Variants in ITPRID1 observed in about 807,000 individuals in gnomAD.
ITPRID1 encodes protein ITPRID1.
In ITPRID1, 96 loss-of-function variants were observed where a neutral mutation model predicts 95.4. That is an observed-to-expected ratio of 1.01 (90% CI 0.85 to 1.19). The LOEUF (loss-of-function observed/expected upper bound fraction) is 1.19. Ranked by LOEUF, ITPRID1 falls within the 50% of genes most tolerant of loss-of-function variation. The pLI, the probability that ITPRID1 is intolerant of heterozygous loss-of-function variation, is 0.00. For synonymous variants in ITPRID1, 510 were observed against 453.6 expected (o/e 1.12, Z -1.58); for missense variants, 1,339 against 1,252.9 (o/e 1.07, Z -1.04).
chr7:31,578,083 A>G lies in ITPRID1; in HGVS notation c.819A>G (p.Val273=). The G allele has an allele frequency of 1.2e-6, 2 of 1,613,884 alleles. No individual in the cohort carries two copies. Among genetic ancestry groups the G allele is most frequent in the Middle Eastern group, 1.6e-4 (1 of 6,062 alleles). Residue 273 remains valine, a synonymous_variant, in exon 9 of 15, where the codon GTA becomes GTG. Transcript: ENST00000615280. The stretch of plus-strand genomic sequence containing the variant: ...TCAGGCGGGATTGTAACCCAGAGGT[A>G]TCAGAGTCCTTCAAGGTGAAGGATG... The part of the protein sequence containing the change: ...QNIRRDCNPE[V]SESFKVKDEV...
intron 10 of ITPRID1, among the ~76,000 whole-genome samples, chr7:31,607,786 T>C (rs1406978111): frequency 2.0e-5 from 3 of 152,066 alleles, no homozygotes; most frequent in Non-Finnish European, 4.4e-5. Context: ...ATTAGTCCTC[T>C]TTCTCAAATT....
chr7:31,516,709 T>C (rs912608179), intron 1 of ITPRID1, among the ~76,000 whole-genome samples: 4 of 152,222 alleles, frequency 2.6e-5, no homozygotes, highest in Admixed American at 6.5e-5. Context: ...TTGCACTTTC[T>C]ACAACAGAAG....
In ITPRID1 at chr7:31,578,192, T is replaced by A; in HGVS notation, c.928T>A (p.Ser310Thr). ...AATCAACCACAAGCAAAATCATTTG[T>A]CTCTGTCAGTAGAACATCAGTCTCT... ...TSINHKQNHL[S>T]LSVEHQSLQA... The change falls in exon 9 of 15, where the codon TCT becomes ACT. Residue 310 changes from serine to threonine, a missense_variant. Ser to Thr is a moderately conservative substitution (Grantham distance 58). Transcript: ENST00000615280. 6.2e-7 allele frequency: 1 copy of A among 1,613,770 alleles called. No individual in the cohort carries two copies. The highest frequency in any genetic ancestry group is 8.5e-7 in the Non-Finnish European group (1 of 1,179,782).
intron 9 of ITPRID1, among the ~76,000 whole-genome samples, chr7:31,581,338 A>G (rs1422121639): frequency 6.6e-6 from 1 of 152,140 alleles, no homozygotes. Context: ...TTAATGGAAA[A>G]ATCAACATAT....
At chr7:31,616,671 A>AAAGAGTAGTTTTCAATGGCCTTTTCC (rs1554293183) in intron 10 of ITPRID1, among the ~76,000 whole-genome samples, 15 of 152,256 alleles carry the variant, frequency 9.9e-5, no homozygotes, top group Non-Finnish European at 1.3e-4. Context: ...CAGATAGCTT[A>AAAGAGTAGTTTTCAATGGCCTTTTCC]AAGAGTAGTT....
intron 5 of ITPRID1, among the ~76,000 whole-genome samples, chr7:31,564,059 C>T (rs1369085730): frequency 6.6e-6 from 1 of 152,112 alleles, no homozygotes; most frequent in Non-Finnish European, 1.5e-5. Context: ...GGACGATATT[C>T]CAAAGAACCA....
intron 10 of ITPRID1, among the ~76,000 whole-genome samples, chr7:31,632,675 T>C (rs1447294554): frequency 6.6e-6 from 1 of 152,106 alleles, no homozygotes; most frequent in African/African-American, 2.4e-5. Flanking sequence ...AAGTGAAATC[T>C]AGCAGCAGGA....
rs1234136413 is a variant in ITPRID1 at position 31,572,156 on chromosome 7, C to T, written c.363C>T (p.Asn121=). 1 of 1,611,398 alleles carries T rather than the reference C, an allele frequency of 6.2e-7. No individual in the cohort carries two copies. Among genetic ancestry groups the T allele is most frequent in the Non-Finnish European group, 8.5e-7 (1 of 1,178,186 alleles). ...TCCTATCCAGAGGGACCAGTTTCAA[C>T]TCTTGCTATTCTACTGCAAGTGTAC... is the stretch of plus-strand genomic sequence containing the variant. The part of the protein sequence containing the change: ...TPILSRGTSF[N]SCYSTASVPQ... Residue 121 remains asparagine, a synonymous_variant, in exon 7 of 15, where the codon AAC becomes AAT. Coordinates refer to ENST00000615280, the MANE Select transcript of ITPRID1 (RefSeq NM_001257967.3).
rs70986698 is a variant in ITPRID1, at chr7:31,654,053, CAAAAA to C, written c.*1239_*1243del. Reference sequence around the variant, plus strand: ...GAAAGAGTTGGATGAAGAGTAAGTCCAAAAAAAAAAAAAAAAAAACCAACAAGCAA... The same window carrying C: ...GAAAGAGTTGGATGAAGAGTAAGTCCAAAAAAAAAAAAAACCAACAAGCAA... On this transcript the variant is annotated 3_prime_UTR_variant, in exon 15 of 15. Transcript: ENST00000615280. 3.8e-5 allele frequency among the ~76,000 whole-genome samples: 5 copies of C among 130,362 alleles called. No individual in the cohort carries two copies. Among genetic ancestry groups the C allele is most frequent in the Admixed American group, 7.7e-5 (1 of 13,006 alleles). 85.5% of individuals were successfully genotyped at this position (130,362 alleles called of 152,430 possible). A position where few individuals can be genotyped will look rare whatever the true frequency, so the allele number is the denominator to read the frequency against.
intron 10 of ITPRID1, among the ~76,000 whole-genome samples, chr7:31,587,658 C>G (rs1405419523): frequency 1.3e-5 from 2 of 151,368 alleles, no homozygotes; most frequent in African/African-American, 2.4e-5. Flanking sequence ...TCATATGGAA[C>G]CAAAAAAGAG....
intron 5 of ITPRID1, among the ~76,000 whole-genome samples, chr7:31,565,806 C>T (rs1784782321): frequency 6.6e-6 from 1 of 152,026 alleles, no homozygotes; most frequent in African/African-American, 2.4e-5. Flanking sequence ...GGGTGAGATT[C>T]CAGTGAGGGG....
At chr7:31,615,167 G>T (rs1787087100) in intron 10 of ITPRID1, among the ~76,000 whole-genome samples, 1 of 152,088 alleles carries the variant, frequency 6.6e-6, no homozygotes, top group Non-Finnish European at 1.5e-5. Context: ...TAGGTTTGCT[G>T]AACACATACT....
intron 5 of ITPRID1, among the ~76,000 whole-genome samples, chr7:31,566,947 A>G (rs986250943): frequency 7.2e-5 from 11 of 152,232 alleles, no homozygotes; most frequent in African/African-American, 2.7e-4. Flanking sequence ...GCTAAGTGGA[A>G]GAGCACTACA....
intron 1 of ITPRID1, among the ~76,000 whole-genome samples, chr7:31,520,323 C>T (rs1783200695): frequency 6.6e-6 from 1 of 152,154 alleles, no homozygotes; most frequent in Non-Finnish European, 1.5e-5. Context: ...TTAAGTTACG[C>T]TTTTCCTCTT....
At chr7:31,527,347 T>A (rs1348478848) in intron 1 of ITPRID1, among the ~76,000 whole-genome samples, 1 of 152,194 alleles carries the variant, frequency 6.6e-6, no homozygotes, top group Non-Finnish European at 1.5e-5. Context: ...TTAGCCCTAG[T>A]ATGCAGTATG....
In ITPRID1 at chr7:31,624,880, AAGG is replaced by A. The variant is rs1788296478; in HGVS notation, c.1229-17295_1229-17293del. 2.0e-5 allele frequency among the ~76,000 whole-genome samples: 3 copies of A among 152,344 alleles called. No individual in the cohort carries two copies. The East Asian group carries it at 5.8e-4, about 29-fold the overall frequency. On this transcript the variant is annotated intron_variant, in intron 10 of 14. Transcript: ENST00000615280. ...ATTTTCGCAACCTATTCATCTGACAAAGGGCTAATATCCAGAATCTACAATGAA... is the reference window on the plus strand; with the variant it reads ...ATTTTCGCAACCTATTCATCTGACAAGCTAATATCCAGAATCTACAATGAA...
At position 31,651,188 on chromosome 7, in the gene ITPRID1, T is replaced by C; in HGVS notation, c.2630T>C (p.Phe877Ser). Reference protein sequence around the residue: ...MEAMKTICQSFREYLEEIEQH... With the variant: ...MEAMKTICQSSREYLEEIEQH... ...GCCATGAAGACGATATGCCAAAGTT[T>C]CCGGGAGTATTTAGAAGAAATTGAA... The change falls in exon 13 of 15, where the codon TTC becomes TCC. Residue 877 changes from phenylalanine to serine, a missense_variant. Coordinates refer to ENST00000615280, the MANE Select transcript of ITPRID1 (RefSeq NM_001257967.3). 6.2e-7 allele frequency: 1 copy of C among 1,613,570 alleles called. No homozygotes were observed. Among genetic ancestry groups the C allele is most frequent in the African/African-American group, 1.3e-5 (1 of 75,010 alleles).
intron 1 of ITPRID1, among the ~76,000 whole-genome samples, chr7:31,520,515 TTGTGTGTGTG>T (rs57709822): frequency 0.016 from 2,136 of 135,582 alleles, 20 homozygotes; most frequent in African/African-American, 0.019. Flanking sequence ...TACCACATCA[TTGTGTGTGTG>T]TGTGTGTGTG....
intron 1 of ITPRID1, among the ~76,000 whole-genome samples, chr7:31,525,312 A>G (rs868377847): frequency 4.6e-5 from 7 of 152,158 alleles, no homozygotes; most frequent in Admixed American, 1.3e-4. Context: ...GGGTGTCTCA[A>G]TGTCATCAAT....
Sources: gnomAD v4.1 joint callset for allele counts (sites outside exome capture counted in the v4.1 genomes callset) on GRCh38, gnomAD v4.1.1 for gene constraint, MANE v1.5 for transcripts, NCBI Gene and HGNC (gene_info 2026-07-23, HGNC 2026-07-21) for gene names.